Variants in IL18R1 observed in about 807,000 individuals in gnomAD.
IL18R1 encodes the protein interleukin 18 receptor 1, also known as interleukin-18 receptor 1.
Under a neutral mutation model 48.5 loss-of-function variants are expected in IL18R1, and 40 were observed. That is an observed-to-expected ratio of 0.82 (90% CI 0.64 to 1.07). The LOEUF is 1.07. Ranked by LOEUF, IL18R1 falls within the 50% of genes least tolerant of loss-of-function variation. The pLI is 0.00. For missense variants in IL18R1, 596 were observed against 633.7 expected, an observed-to-expected ratio of 0.94 and a Z score of 0.64; for synonymous variants, 232 against 225.9, an observed-to-expected ratio of 1.03 and a Z score of -0.24.
In IL18R1 at chr2:102,376,062, A is replaced by C; in HGVS notation, c.624A>C (p.Glu208Asp). 1 of 1,562,282 alleles carries C rather than the reference A, an allele frequency of 6.4e-7. No individual in the cohort carries two copies. Among genetic ancestry groups the C allele is most frequent in the East Asian group, 2.3e-5 (1 of 43,526 alleles). The change falls in exon 5 of 11, where the codon GAA (glutamate) becomes GAC (aspartate). Residue 208 changes from glutamate (E) to aspartate (D), a missense_variant and splice_region_variant. By Grantham distance (45) the Glu-to-Asp change is conservative (BLOSUM62 2). Transcript: ENST00000233957. ...ITKTFNITIV[E>D]DRSNIVPVLL... The stretch of plus-strand genomic sequence containing the variant: ...AAACCTTCAATATAACAATAGTGGA[A>C]GGTAAGGGAAATCTTAGAATTGGGA...
intron 7 of IL18R1, among the ~76,000 whole-genome samples, chr2:102,385,883 G>A (rs1466016297): frequency 3.3e-5 from 5 of 152,160 alleles, no homozygotes; most frequent in East Asian, 1.9e-4. Context: ...TTTTAGAGGG[G>A]TAGAAAACCA....
intron 3 of IL18R1, among the ~76,000 whole-genome samples, chr2:102,371,109 T>C (rs1377239936): frequency 6.6e-6 from 1 of 151,374 alleles, no homozygotes; most frequent in Non-Finnish European, 1.5e-5. Context: ...CAGGCTGGAG[T>C]GCAATGGCGC....
intron 1 of IL18R1, among the ~76,000 whole-genome samples, chr2:102,362,036 CAT>C (rs1345761609): frequency 6.6e-6 from 1 of 152,164 alleles, no homozygotes; most frequent in East Asian, 1.9e-4. Flanking sequence ...CTCAGTGACA[CAT>C]GTTAGTGAGT....
Position 102,386,958 on chromosome 2 carries a change from A to C in IL18R1, c.907A>C (p.Thr303Pro). The change falls in exon 8 of 11, where the codon ACG becomes CCG. Residue 303 changes from threonine to proline, a missense_variant. This residue lies in a region of IL18R1 where 57 missense variants were observed against 88.2 expected (regional missense o/e 0.65). Transcript: ENST00000233957. ...TTTATATAATTGCACTGTGGCCAGC[A>C]CGGGAGGCACAGACACCAAAAGCTT... ...NVLYNCTVAS[T>P]GGTDTKSFIL... The C allele has an allele frequency of 6.2e-7, 1 of 1,614,022 alleles. No homozygotes were observed. Among genetic ancestry groups the C allele is most frequent in the Non-Finnish European group, 8.5e-7 (1 of 1,179,908 alleles).
At chr2:102,394,747 C>A in intron 10 of IL18R1, 120 bp downstream of exon 10, 7 of 717,618 alleles carry the variant, frequency 9.8e-6, no homozygotes, top group Non-Finnish European at 1.3e-5. Context: ...GTCCTTTAAG[C>A]AAGAAATAAC....
intron 5 of IL18R1, 133 bp from the exon 6 acceptor site, chr2:102,381,486 TA>T: frequency 1.7e-5 from 11 of 657,396 alleles, no homozygotes; most frequent in Non-Finnish European, 2.7e-5. Flanking sequence ...TTAATGCAAA[TA>T]GGACTCAAGT....
At position 102,372,100 on chromosome 2, in the gene IL18R1, C is replaced by T. The variant is rs1372443999; in HGVS notation, c.450C>T (p.Asn150=). Residue 150 remains asparagine (N), a synonymous_variant, in exon 4 of 11, where the codon AAC becomes AAT. Coordinates refer to ENST00000233957, the MANE Select transcript of IL18R1 (RefSeq NM_003855.5). ...ACAGTTACTATCAAACACTGGTCAA[C>T]AGCACATCATTGTATAAGGTAATGC... ...CENSYYQTLV[N]STSLYKNCKK... 1.9e-6 allele frequency: 3 copies of T among 1,599,698 alleles called. No individual in the cohort carries two copies. The highest frequency in any genetic ancestry group is 3.6e-5 in the Admixed American group (2 of 55,086).
At chr2:102,384,217 C>T (rs573719312) in intron 6 of IL18R1, among the ~76,000 whole-genome samples, 2 of 152,262 alleles carry the variant, frequency 1.3e-5, no homozygotes, top group South Asian at 2.1e-4. Context: ...TGATGCAGGC[C>T]TCTTCTCTAA....
rs771750683 is a variant in IL18R1, at chr2:102,398,753, T to C, written c.*1867T>C. ...TGTGTTTTAAAATGCATAAAACACGTTGAAATACATTAATGAACCATTAGT... is the reference window on the plus strand; with the variant it reads ...TGTGTTTTAAAATGCATAAAACACGCTGAAATACATTAATGAACCATTAGT... On this transcript the variant is annotated 3_prime_UTR_variant, in exon 11 of 11. Transcript: ENST00000233957. The C allele has an allele frequency of 1.0e-4, 16 of 152,386 alleles. No individual in the cohort carries two copies. The highest frequency in any genetic ancestry group is 1.8e-4 in the Non-Finnish European group (12 of 68,038). 9.4% of individuals were successfully genotyped at this position (152,386 alleles called of 1,614,324 possible).
chr2:102,371,853 A>T lies in IL18R1; in HGVS notation c.303-100A>T, dbSNP rs914986222. 8.7e-6 allele frequency: 6 copies of T among 691,822 alleles called. No individual in the cohort carries two copies. The African/African-American group carries it at 1.1e-4, about 13-fold the overall frequency. The allele number at this position is 691,822 out of a possible 1,614,324, so 42.9% of individuals were successfully genotyped here. Reference sequence around the variant, plus strand: ...CAATGAATCAATCTCTTTAATAAAAATAAAGGAAAAATATTGTAACTGGTT... The same window carrying T: ...CAATGAATCAATCTCTTTAATAAAATTAAAGGAAAAATATTGTAACTGGTT... On this transcript the variant is annotated intron_variant, in intron 3 of 10. Transcript: ENST00000233957.
rs1679921366 is a variant in IL18R1, at chr2:102,381,602, T to C, written c.626-18T>C. The C allele has an allele frequency of 1.2e-6, 2 of 1,602,164 alleles. No individual in the cohort carries two copies. Among genetic ancestry groups the C allele is most frequent in the Admixed American group, 1.7e-5 (1 of 59,956 alleles). On this transcript the variant is annotated intron_variant, in intron 5 of 10. Coordinates refer to ENST00000233957, the MANE Select transcript of IL18R1 (RefSeq NM_003855.5). ...AAGGCAACACTAATACATTTGTCTTTTCTTTTGTCACTTCTAGATCGCAGT... is the reference window on the plus strand; with the variant it reads ...AAGGCAACACTAATACATTTGTCTTCTCTTTTGTCACTTCTAGATCGCAGT...
At chr2:102,386,488 C>G (rs989960207) in intron 7 of IL18R1, among the ~76,000 whole-genome samples, 1 of 152,116 alleles carries the variant, frequency 6.6e-6, no homozygotes, top group Non-Finnish European at 1.5e-5. Context: ...CAACTTACAG[C>G]CTTGTCATAA....
intron 5 of IL18R1, among the ~76,000 whole-genome samples, chr2:102,379,528 T>C (rs1312542217): frequency 6.6e-6 from 1 of 151,770 alleles, no homozygotes; most frequent in Non-Finnish European, 1.5e-5. Context: ...AATGCTTAGG[T>C]TCTAGAAGCA....
At chr2:102,362,799 C>A in intron 2 of IL18R1, 81 bp downstream of exon 2, 2 of 779,928 alleles carry the variant, frequency 2.6e-6, no homozygotes, top group South Asian at 1.8e-5. Flanking sequence ...TATGTGGTGG[C>A]TACTGAAGAT....
intron 1 of IL18R1, 96 bp from the exon 2 acceptor site, chr2:102,362,537 T>A (rs934108676): frequency 1.4e-6 from 1 of 719,590 alleles, no homozygotes; most frequent in Non-Finnish European, 2.2e-6. Context: ...GTTGTTTTTT[T>A]AAAAATCTGT....
At chr2:102,375,110 C>A (rs1679497348) in intron 4 of IL18R1, among the ~76,000 whole-genome samples, 1 of 152,188 alleles carries the variant, frequency 6.6e-6, no homozygotes, top group Non-Finnish European at 1.5e-5. Flanking sequence ...TGGCTGCCAG[C>A]TCTGAGGGAG....
chr2:102,357,376 A>C (rs1293866393), intron 1 of IL18R1, among the ~76,000 whole-genome samples: 3 of 152,130 alleles, frequency 2.0e-5, no homozygotes, highest in East Asian at 3.9e-4. Context: ...CTGTAATCCC[A>C]GCTACTCGGG....
At chr2:102,375,311 A>T (rs1318894172) in intron 4 of IL18R1, among the ~76,000 whole-genome samples, 1 of 152,180 alleles carries the variant, frequency 6.6e-6, no homozygotes, top group Non-Finnish European at 1.5e-5. Flanking sequence ...TGTGACATGT[A>T]TGGAAATGTG....
rs1286472959 is a variant in IL18R1, at chr2:102,397,707, T to C, written c.*821T>C. 6.6e-6 allele frequency: 1 copy of C among 152,364 alleles called. No individual in the cohort carries two copies. Among genetic ancestry groups the C allele is most frequent in the African/African-American group, 2.4e-5 (1 of 41,466 alleles). 9.4% of individuals were successfully genotyped at this position (152,364 alleles called of 1,614,324 possible). A position where few individuals can be genotyped will look rare whatever the true frequency, so the allele number is the denominator to read the frequency against. On this transcript the variant is annotated 3_prime_UTR_variant, in exon 11 of 11. Transcript: ENST00000233957. ...TATTAGCCATTGAATAGCAAAAAACTGATAGTTACTTGCTTGTTTTTTAAA... is the reference window on the plus strand; with the variant it reads ...TATTAGCCATTGAATAGCAAAAAACCGATAGTTACTTGCTTGTTTTTTAAA...
Sources: allele counts gnomAD v4.1 joint callset (sites outside exome capture counted in the v4.1 genomes callset), GRCh38; gene constraint gnomAD v4.1.1; regional missense constraint gnomAD v4.1.1; transcripts MANE v1.5; gene names NCBI Gene and HGNC (gene_info 2026-07-23, HGNC 2026-07-21).